Variants in RHO observed in about 807,000 individuals in gnomAD.
RHO encodes the protein opsin 2, rod pigment.
Under a neutral mutation model 31.2 loss-of-function variants are expected in RHO, and 21 were observed. That is an observed-to-expected ratio of 0.67 (90% CI 0.48 to 0.97). The LOEUF (loss-of-function observed/expected upper bound fraction) is 0.97. Among genes scored for constraint, RHO ranks in the 50% least tolerant of loss-of-function variants. RHO has a pLI of 0.00. For synonymous variants in RHO, 211 were observed against 196.6 expected, an observed-to-expected ratio of 1.07 and a Z score of -0.61; for missense variants, 414 against 479.5, an observed-to-expected ratio of 0.86 and a Z score of 1.28.
intron 1 of RHO, 136 bp downstream of exon 1, chr3:129,529,230 A>G: frequency 8.6e-7 from 1 of 1,158,312 alleles, no homozygotes; most frequent in Non-Finnish European, 1.2e-6. Flanking sequence ...AAGCCCTCAT[A>G]TATTCAGTCA....
chr3:129,530,535 C>CACA (rs2084771743), intron 1 of RHO, among the ~76,000 whole-genome samples: 6 of 128,474 alleles, frequency 4.7e-5, no homozygotes, highest in African/African-American at 2.0e-4. Flanking sequence ...ACACACACAA[C>CACA]ACACACACAC....
At chr3:129,533,325 C>G (rs923393987) in intron 4 of RHO, among the ~76,000 whole-genome samples, 1 of 152,178 alleles carries the variant, frequency 6.6e-6, no homozygotes, top group African/African-American at 2.4e-5. Flanking sequence ...AAACACCAAA[C>G]TCTTGGATTA....
chr3:129,530,533 A>ACACCACACACACACACACACACAC (rs1553781099), intron 1 of RHO, among the ~76,000 whole-genome samples: 1 of 122,898 alleles, frequency 8.1e-6, no homozygotes, highest in African/African-American at 4.1e-5. Flanking sequence ...ACACACACAC[A>ACACCACACACACACACACACACAC]ACACACACAC....
chr3:129,531,174 A>G, intron 2 of RHO, 130 bp downstream of exon 2: 1 of 1,044,926 alleles, frequency 9.6e-7, no homozygotes, highest in Non-Finnish European at 1.4e-6. Context: ...ATGCCCACTC[A>G]GGGTAGGGGT....
In RHO at chr3:129,528,871, G is replaced by A; in HGVS notation, c.138G>A (p.Leu46=). 1 of 1,614,200 alleles carries A rather than the reference G, an allele frequency of 6.2e-7. No homozygotes were observed. Among genetic ancestry groups the A allele is most frequent in the Non-Finnish European group, 8.5e-7 (1 of 1,180,044 alleles). The change falls in exon 1 of 5, where the codon CTG becomes CTA. Residue 46 remains leucine (L), a synonymous_variant. Coordinates refer to ENST00000296271, the MANE Select transcript of RHO (RefSeq NM_000539.3). ...CCATGCTGGCCGCCTACATGTTTCTGCTGATCGTGCTGGGCTTCCCCATCA... is the reference window on the plus strand; with the variant it reads ...CCATGCTGGCCGCCTACATGTTTCTACTGATCGTGCTGGGCTTCCCCATCA... ...QFSMLAAYMF[L]LIVLGFPINF... is the part of the protein sequence containing the mutation.
chr3:129,530,506 AACACACACACACACACACACACACACAAC>A (rs2084770430), intron 1 of RHO, among the ~76,000 whole-genome samples: 1 of 132,254 alleles, frequency 7.6e-6, no homozygotes, highest in Admixed American at 7.4e-5. Context: ...TCTTCTGCTA[AACACACACACACACACACACACACACAAC>A]ACACACACAC....
chr3:129,528,683 G>A lies in RHO; in HGVS notation c.-51G>A, dbSNP rs2269736. ...CCTGAGTGGCTGAGCTCAGGCCTTC[G>A]CAGCATTCTTGGGTGGGAGCAGCCA... is the stretch of plus-strand genomic sequence containing the variant. On this transcript the variant is annotated 5_prime_UTR_variant, in exon 1 of 5. Coordinates refer to ENST00000296271, the MANE Select transcript of RHO (RefSeq NM_000539.3). 0.03 allele frequency: 48,305 copies of A among 1,612,158 alleles called. 5,409 individuals are homozygous for A. In the East Asian group the frequency reaches 0.36, roughly 12 times the overall value.
rs781266982 is a variant in RHO at position 129,529,054 on chromosome 3, C to A, written c.321C>A (p.Pro107=). ...TSLHGYFVFG[P]TGCNLEGFFA... is the part of the protein sequence containing the mutation. ...TGCATGGATACTTCGTCTTCGGGCC[C>A]ACAGGATGCAATTTGGAGGGCTTCT... Residue 107 remains proline, a synonymous_variant, in exon 1 of 5, where the codon CCC becomes CCA. Transcript: ENST00000296271. 4.3e-5 allele frequency: 69 copies of A among 1,613,446 alleles called. No homozygotes were observed. The Middle Eastern group carries it at 4.9e-4, about 12-fold the overall frequency.
rs368352202 is a variant in RHO at position 129,532,425 on chromosome 3, C to T, written c.696+9C>T. The T allele has an allele frequency of 6.4e-5, 104 of 1,613,472 alleles. 1 individual carries two copies. The highest frequency in any genetic ancestry group is 5.5e-4 in the Admixed American group (33 of 59,978). On this transcript the variant is annotated intron_variant, in intron 3 of 4. Transcript: ENST00000296271. This position sits in a 1 kb window ranked among gnomAD's most constrained non-coding sequence, Gnocchi z 5.5. The stretch of plus-strand genomic sequence containing the variant: ...TCTTCACCGTCAAGGAGGTACGGGC[C>T]GGGGGGTGGGCGGCCTCACGGCTCT...
At chr3:129,530,533 A>ACACACACAACAC (rs1553781099) in intron 1 of RHO, among the ~76,000 whole-genome samples, 30 of 122,896 alleles carry the variant, frequency 2.4e-4, no homozygotes, top group African/African-American at 1.2e-3. Context: ...ACACACACAC[A>ACACACACAACAC]ACACACACAC....
chr3:129,530,533 A>ACACACACACACACACACAC (rs1553781099), intron 1 of RHO, among the ~76,000 whole-genome samples: 33 of 122,898 alleles, frequency 2.7e-4, no homozygotes, highest in African/African-American at 1.2e-3. Context: ...ACACACACAC[A>ACACACACACACACACACAC]ACACACACAC....
In RHO at chr3:129,532,348, G is replaced by A. The variant is rs768616082; in HGVS notation, c.628G>A (p.Val210Ile). ...GTCTTTTGTCATCTACATGTTCGTG[G>A]TCCACTTCACCATCCCCATGATTAT... is the stretch of plus-strand genomic sequence containing the variant. ...NESFVIYMFV[V>I]HFTIPMIIIF... Residue 210 changes from valine to isoleucine, a missense_variant, in exon 3 of 5, where the codon GTC (valine) becomes ATC (isoleucine). Val to Ile is a conservative substitution (Grantham distance 29). Coordinates refer to ENST00000296271, the MANE Select transcript of RHO (RefSeq NM_000539.3). The surrounding 1 kb of genome is among the most constrained non-coding windows in gnomAD (Gnocchi z 5.5). 1 of 1,613,844 alleles carries A rather than the reference G, an allele frequency of 6.2e-7. No homozygotes were observed. Among genetic ancestry groups the A allele is most frequent in the Non-Finnish European group, 8.5e-7 (1 of 1,180,012 alleles).
rs891812778 is a variant in RHO at position 129,532,038 on chromosome 3, G to A, written c.531-213G>A. Among the ~76,000 whole-genome samples the A allele has an allele frequency of 3.3e-5, 5 of 152,184 alleles. No individual in the cohort carries two copies. Among genetic ancestry groups the A allele is most frequent in the African/African-American group, 7.2e-5 (3 of 41,440 alleles). On this transcript the variant is annotated intron_variant, in intron 2 of 4. Coordinates refer to ENST00000296271, the MANE Select transcript of RHO (RefSeq NM_000539.3). This position sits in a 1 kb window ranked among gnomAD's most constrained non-coding sequence, Gnocchi z 5.5. Reference sequence around the variant, plus strand: ...AGGCTGGGTGGTGTCATCTGGTAACGCAGCCACCAAACAATGAAGCGACAC... The same window carrying A: ...AGGCTGGGTGGTGTCATCTGGTAACACAGCCACCAAACAATGAAGCGACAC...
At chr3:129,530,774 C>A in intron 1 of RHO, 102 bp from the exon 2 acceptor site, 2 of 1,423,300 alleles carry the variant, frequency 1.4e-6, no homozygotes, top group South Asian at 1.2e-5. Flanking sequence ...ATCCCTCTCC[C>A]ACTCCTGGTT....
Position 129,529,002 on chromosome 3 carries a change from G to T in RHO, c.269G>T (p.Gly90Val). Reference protein sequence around the residue: ...AVADLFMVLGGFTSTLYTSLH... With the variant: ...AVADLFMVLGVFTSTLYTSLH... ...GCTGACCTCTTCATGGTCCTAGGTG[G>T]CTTCACCAGCACCCTCTACACCTCT... The change falls in exon 1 of 5, where the codon GGC (glycine) becomes GTC (valine). Residue 90 changes from glycine to valine, a missense_variant. Transcript: ENST00000296271. The T allele has an allele frequency of 6.2e-7, 1 of 1,614,202 alleles. No homozygotes were observed. The highest frequency in any genetic ancestry group is 1.3e-5 in the African/African-American group (1 of 75,052).
In RHO at chr3:129,532,136, G is replaced by T; in HGVS notation, c.531-115G>T. The T allele has an allele frequency of 1.3e-6, 1 of 791,580 alleles. No homozygotes were observed. Among genetic ancestry groups the T allele is most frequent in the Non-Finnish European group, 2.2e-6 (1 of 456,014 alleles). 49.0% of individuals were successfully genotyped at this position (791,580 alleles called of 1,614,324 possible). A position where few individuals can be genotyped will look rare whatever the true frequency, so the allele number is the denominator to read the frequency against. ...GTCACCCAGCCATGCAGACGTTTAT[G>T]ATCCCCTTTTCCAGGGAGGGAATGT... On this transcript the variant is annotated intron_variant, in intron 2 of 4. Transcript: ENST00000296271. This position sits in a 1 kb window ranked among gnomAD's most constrained non-coding sequence, Gnocchi z 5.5.
chr3:129,530,840 G>A lies in RHO; in HGVS notation c.362-36G>A, dbSNP rs375593312. ...GGGGAGTGCACCCTCCTTAGGCAGT[G>A]GGGTCTGTGCTGACCGCCTGCTGAC... is the stretch of plus-strand genomic sequence containing the variant. On this transcript the variant is annotated intron_variant, in intron 1 of 4. Coordinates refer to ENST00000296271, the MANE Select transcript of RHO (RefSeq NM_000539.3). 5.3e-5 allele frequency: 85 copies of A among 1,613,520 alleles called. 1 individual carries two copies. The African/African-American group carries it at 7.5e-4, about 14-fold the overall frequency.
Position 129,533,054 on chromosome 3 carries a change from G to A in RHO, c.936+282G>A, listed in dbSNP as rs531346738. 5.3e-5 allele frequency among the ~76,000 whole-genome samples: 8 copies of A among 152,192 alleles called. No homozygotes were observed. In the South Asian group the frequency reaches 1.4e-3, roughly 28 times the overall value. On this transcript the variant is annotated intron_variant, in intron 4 of 4. Coordinates refer to ENST00000296271, the MANE Select transcript of RHO (RefSeq NM_000539.3). Reference sequence around the variant, plus strand: ...GAGAAGCTCCAGTCAGCTAGTTCTGGAAGCCCAATGTCAAAGTCAGAAGGA... The same window carrying A: ...GAGAAGCTCCAGTCAGCTAGTTCTGAAAGCCCAATGTCAAAGTCAGAAGGA...
chr3:129,533,756 C>G lies in RHO; in HGVS notation c.*38C>G, dbSNP rs1367145272. 22 of 1,404,110 alleles carry G rather than the reference C, an allele frequency of 1.6e-5. No individual in the cohort carries two copies. The highest frequency in any genetic ancestry group is 2.2e-5 in the Non-Finnish European group (22 of 989,710). The allele number at this position is 1,404,110 out of a possible 1,614,324, so 87.0% of individuals were successfully genotyped here. A position where few individuals can be genotyped will look rare whatever the true frequency, so the allele number is the denominator to read the frequency against. ...ACTCTGTGGCCGACTATAGGCGTCT[C>G]CCATCCCCTACACCTTCCCCCAGCC... On this transcript the variant is annotated 3_prime_UTR_variant, in exon 5 of 5. Transcript: ENST00000296271.
Sources: gnomAD v4.1 joint callset for allele counts (sites outside exome capture counted in the v4.1 genomes callset) on GRCh38, gnomAD v4.1.1 for gene constraint, Gnocchi (gnomAD v3.1) non-coding constraint, MANE v1.5 for transcripts, NCBI Gene and HGNC (gene_info 2026-07-23, HGNC 2026-07-21) for gene names.